The following KLHL1 variants were observed in gnomAD, a reference collection of about 807,000 sequenced individuals.
KLHL1 encodes kelch-like protein 1.
A neutral mutation model predicts 77.7 loss-of-function variants in KLHL1; 47 were observed. The ratio of observed to expected loss-of-function variants is 0.60; its 90% CI spans 0.48 to 0.77. The LOEUF is 0.77. KLHL1 is among the 30% of genes least tolerant of loss of function. KLHL1 has a pLI of 0.00. For synonymous variants in KLHL1, 360 were observed against 325.2 expected, an observed-to-expected ratio of 1.11 and a Z score of -1.15; for missense variants, 925 against 910.8, an observed-to-expected ratio of 1.02 and a Z score of -0.20.
At chr13:69,849,065 G>A (rs1015292036) in intron 5 of KLHL1, among the ~76,000 whole-genome samples, 1 of 151,380 alleles carries the variant, frequency 6.6e-6, no homozygotes, top group Admixed American at 6.6e-5. Context: ...AATTGCATCC[G>A]ATTTGGGCTC....
chr13:69,780,413 C>A (rs1433052935), intron 7 of KLHL1, among the ~76,000 whole-genome samples: 1 of 151,654 alleles, frequency 6.6e-6, no homozygotes, highest in Admixed American at 6.6e-5. Context: ...AATGTGATTT[C>A]TTAAGTAAAA....
chr13:69,877,352 A>T, intron 5 of KLHL1, among the ~76,000 whole-genome samples: 1 of 152,180 alleles, frequency 6.6e-6, no homozygotes, highest in East Asian at 1.9e-4. Flanking sequence ...AATTGTTATA[A>T]AATGTTAAAA....
chr13:69,888,706 A>T (rs1881310971), intron 4 of KLHL1, among the ~76,000 whole-genome samples: 1 of 152,170 alleles, frequency 6.6e-6, no homozygotes. Context: ...TCCGGTCATT[A>T]GAACTGCAAA....
chr13:70,080,119 G>A (rs889271256), intron 1 of KLHL1, among the ~76,000 whole-genome samples: 5 of 152,162 alleles, frequency 3.3e-5, no homozygotes, highest in African/African-American at 1.2e-4. Context: ...GCAGCCTAGT[G>A]TAAGAATCTG....
intron 3 of KLHL1, among the ~76,000 whole-genome samples, chr13:69,941,947 G>C (rs1363830521): frequency 1.3e-5 from 2 of 151,780 alleles, no homozygotes; most frequent in East Asian, 3.9e-4. Flanking sequence ...CAAGTACTTA[G>C]ATTGAAACAG....
intron 7 of KLHL1, among the ~76,000 whole-genome samples, chr13:69,788,386 T>C (rs899744300): frequency 2.6e-5 from 4 of 152,056 alleles, no homozygotes; most frequent in Admixed American, 6.6e-5. Context: ...CTGGAAACCA[T>C]CATTCTCAGC....
intron 7 of KLHL1, among the ~76,000 whole-genome samples, chr13:69,765,388 GAC>G (rs1278969582): frequency 2.6e-5 from 4 of 152,046 alleles, no homozygotes; most frequent in Non-Finnish European, 5.9e-5. Context: ...AAATATTAAA[GAC>G]CATGTCTCAG....
intron 7 of KLHL1, among the ~76,000 whole-genome samples, chr13:69,775,098 G>T (rs958117292): frequency 2.0e-5 from 3 of 152,134 alleles, no homozygotes; most frequent in Non-Finnish European, 4.4e-5. Flanking sequence ...TCCTGGGAGT[G>T]CTGAATGAAA....
chr13:69,730,260 C>T (rs1593779767), intron 8 of KLHL1, among the ~76,000 whole-genome samples: 1 of 137,084 alleles, frequency 7.3e-6, no homozygotes, highest in Admixed American at 7.1e-5. Context: ...AATGTACTAA[C>T]ACTTTAATGT....
At chr13:69,977,958 A>T (rs1411510808) in intron 1 of KLHL1, among the ~76,000 whole-genome samples, 3 of 152,012 alleles carry the variant, frequency 2.0e-5, no homozygotes, top group Admixed American at 2.0e-4. Flanking sequence ...CAATATATAT[A>T]TTTATCTACA....
chr13:69,750,925 A>G (rs1401977472), intron 7 of KLHL1, among the ~76,000 whole-genome samples: 3 of 152,072 alleles, frequency 2.0e-5, no homozygotes, highest in African/African-American at 7.2e-5. Flanking sequence ...ATTTAATTGA[A>G]CTGGGATGAG....
intron 1 of KLHL1, among the ~76,000 whole-genome samples, chr13:70,066,797 A>C (rs1358941657): frequency 6.6e-6 from 1 of 152,338 alleles, no homozygotes; most frequent in African/African-American, 2.4e-5. Flanking sequence ...TTGTAACCAC[A>C]ATCCATCCAT....
At chr13:69,879,714 A>G (rs907395029) in intron 5 of KLHL1, among the ~76,000 whole-genome samples, 1 of 152,168 alleles carries the variant, frequency 6.6e-6, no homozygotes, top group African/African-American at 2.4e-5. Flanking sequence ...ACATTGAGGC[A>G]AATATGAAAC....
intron 7 of KLHL1, among the ~76,000 whole-genome samples, chr13:69,766,885 AAC>A: frequency 6.6e-6 from 1 of 152,210 alleles, no homozygotes; most frequent in Admixed American, 6.5e-5. Context: ...ACTGGAATAA[AAC>A]AGTTATTGAT....
chr13:69,940,306 C>G, intron 3 of KLHL1, 70 bp from the exon 4 acceptor site: 8 of 1,196,732 alleles, frequency 6.7e-6, no homozygotes, highest in Non-Finnish European at 8.0e-6. Flanking sequence ...TAACACTACA[C>G]AAAACATTAG....
intron 4 of KLHL1, among the ~76,000 whole-genome samples, chr13:69,934,417 G>A (rs886487055): frequency 6.6e-6 from 1 of 151,486 alleles, no homozygotes; most frequent in Non-Finnish European, 1.5e-5. Flanking sequence ...TACATATATA[G>A]GCATATGTAA....
At chr13:69,781,480 T>C (rs1404363469) in intron 7 of KLHL1, among the ~76,000 whole-genome samples, 1 of 152,118 alleles carries the variant, frequency 6.6e-6, no homozygotes, top group Non-Finnish European at 1.5e-5. Flanking sequence ...ATGCTTTCAT[T>C]ATTTTCTAGC....
intron 1 of KLHL1, among the ~76,000 whole-genome samples, chr13:70,099,981 A>C (rs1301470377): frequency 6.6e-6 from 1 of 152,002 alleles, no homozygotes; most frequent in Non-Finnish European, 1.5e-5. Flanking sequence ...GTTAGTTCCC[A>C]AATTTTTTAA....
In KLHL1 at chr13:69,940,160, C is replaced by T. The variant is rs748921388; in HGVS notation, c.894G>A (p.Val298=). 3.1e-6 allele frequency: 5 copies of T among 1,612,724 alleles called. No individual in the cohort carries two copies. Among genetic ancestry groups the T allele is most frequent in the Non-Finnish European group, 3.4e-6 (4 of 1,179,444 alleles). The part of the protein sequence containing the change: ...AACLLQLPQV[V]EVCCHFLMKL... ...TCATGAGGAAGTGGCAGCACACTTC[C>T]ACCACCTGTGGAAGCTGAAGAAGGC... is the stretch of plus-strand genomic sequence containing the variant. Residue 298 remains valine, a synonymous_variant, in exon 4 of 11, where the codon GTG becomes GTA. Coordinates refer to ENST00000377844, the MANE Select transcript of KLHL1 (RefSeq NM_020866.3).
Sources: allele counts gnomAD v4.1 joint callset (sites outside exome capture counted in the v4.1 genomes callset), GRCh38; gene constraint gnomAD v4.1.1; transcripts MANE v1.5; gene names NCBI Gene and HGNC (gene_info 2026-07-23, HGNC 2026-07-21).